ATP1B2: variants seen among roughly 807,000 people sequenced by gnomAD.
ATP1B2 encodes sodium/potassium-transporting ATPase subunit beta-2.
A neutral mutation model predicts 37.3 loss-of-function variants in ATP1B2; 12 were observed. The ratio of observed to expected loss-of-function variants is 0.32; its 90% confidence interval spans 0.21 to 0.52. The LOEUF is 0.52. Among genes scored for constraint, ATP1B2 ranks in the 20% least tolerant of loss-of-function variants. The pLI is 0.96. For missense variants in ATP1B2, 324 were observed against 391.6 expected (o/e 0.83, Z 1.46); for synonymous variants, 139 against 140.5 (o/e 0.99, Z 0.07).
chr17:7,647,383 T>C (rs1354395053), upstream of ATP1B2, among the ~76,000 whole-genome samples: 1 of 152,016 alleles, frequency 6.6e-6, no homozygotes, highest in Non-Finnish European at 1.5e-5. Context: ...GATAGAAAAA[T>C]GTTAGGCGGG....
intron 1 of ATP1B2, 102 bp downstream of exon 1, chr17:7,651,732 C>T (rs1269133420): frequency 3.0e-6 from 3 of 1,014,630 alleles, no homozygotes; most frequent in East Asian, 3.0e-5. Flanking sequence ...CCCGGGTCCC[C>T]GGCGTCCAGC....
intron 2 of ATP1B2, 108 bp from the exon 3 acceptor site, chr17:7,653,733 A>T: frequency 2.3e-6 from 3 of 1,302,964 alleles, no homozygotes; most frequent in Non-Finnish European, 3.2e-6. Flanking sequence ...ACGATCTCAG[A>T]TATTCACCGC....
In ATP1B2 at chr17:7,651,536, G is replaced by A. The variant is rs371914303; in HGVS notation, c.18G>A (p.Glu6=). The A allele has an allele frequency of 1.3e-5, 21 of 1,603,480 alleles. No individual in the cohort carries two copies. Among genetic ancestry groups the A allele is most frequent in the East Asian group, 1.1e-4 (5 of 44,340 alleles). Reference sequence around the variant, plus strand: ...CCACCAAGATGGTCATCCAGAAAGAGAAGAAGAGCTGCGGGCAGGTGGTTG... The same window carrying A: ...CCACCAAGATGGTCATCCAGAAAGAAAAGAAGAGCTGCGGGCAGGTGGTTG... MVIQK[E]KKSCGQVVEE... is the part of the protein sequence containing the mutation. Residue 6 remains glutamate, a synonymous_variant, in exon 1 of 7, where the codon GAG becomes GAA. Transcript: ENST00000250111.
chr17:7,651,661 G>A lies in ATP1B2; in HGVS notation c.112+31G>A, dbSNP rs776684981. 3.9e-6 allele frequency: 6 copies of A among 1,552,136 alleles called. No individual in the cohort carries two copies. The South Asian group carries it at 5.9e-5, about 15-fold the overall frequency. ...CAGGGCCGGCACGCAAGGGGCGGGG[G>A]AAAGCCGCGGGGCGACGCCTCGGGG... is the stretch of plus-strand genomic sequence containing the variant. On this transcript the variant is annotated intron_variant, in intron 1 of 6. Coordinates refer to ENST00000250111, the MANE Select transcript of ATP1B2 (RefSeq NM_001678.5).
In ATP1B2 at chr17:7,657,755, A is replaced by G. The variant is rs538525706; in HGVS notation, c.*1860A>G. On this transcript the variant is annotated 3_prime_UTR_variant, in exon 7 of 7. Coordinates refer to ENST00000250111, the MANE Select transcript of ATP1B2 (RefSeq NM_001678.5). ...AATGAGAGCAATTATATATATAAAT[A>G]TATATCATACACAGAGCCCTGTGTG... 1 of 152,688 alleles carries G rather than the reference A, an allele frequency of 6.5e-6. No homozygotes were observed. The highest frequency in any genetic ancestry group is 1.5e-5 in the Non-Finnish European group (1 of 68,024). 9.5% of individuals were successfully genotyped at this position (152,688 alleles called of 1,614,324 possible).
In ATP1B2 at chr17:7,655,025, A is replaced by G. The variant is rs576891109; in HGVS notation, c.609+341A>G. 9.4e-4 allele frequency among the ~76,000 whole-genome samples: 142 copies of G among 151,646 alleles called. 6 individuals are homozygous for G. The South Asian group carries it at 0.028, about 30-fold the overall frequency. On this transcript the variant is annotated intron_variant, in intron 5 of 6. Transcript: ENST00000250111. This position sits in a 1 kb window ranked among gnomAD's most constrained non-coding sequence, Gnocchi z 4.4. ...GTCCGTATCGTTCGCTCTCCCTCCC[A>G]TATGGCCCCCACCCGTCAGTTCCTT...
Position 7,655,550 on chromosome 17 carries a change from C to T in ATP1B2, c.633C>T (p.Leu211=), listed in dbSNP as rs751353863. 27 of 1,614,190 alleles carry T rather than the reference C, an allele frequency of 1.7e-5. No homozygotes were observed. In the Admixed American group the frequency reaches 3.2e-4, roughly 19 times the overall value. ...AGCGAGATGAAGATGCTGAGAATCT[C>T]GGCAACTTCGTCATGTTCCCCGCCA... ...AGKRDEDAEN[L]GNFVMFPANG... Residue 211 remains leucine (L), a synonymous_variant, in exon 6 of 7, where the codon CTC becomes CTT. Transcript: ENST00000250111. The surrounding 1 kb of genome is among the most constrained non-coding windows in gnomAD (Gnocchi z 4.4).
rs763231074 is a variant in ATP1B2 at position 7,654,678 on chromosome 17, T to G, written c.603T>G (p.Ala201=). 1.2e-6 allele frequency: 2 copies of G among 1,614,068 alleles called. No homozygotes were observed. The highest frequency in any genetic ancestry group is 2.7e-5 in the African/African-American group (2 of 74,932). ...ACCAGAGCATGAATGTTACCTGTGC[T>G]GGGAAGGTGAGTTCGTTGGGCCTTG... is the stretch of plus-strand genomic sequence containing the variant. ...GANQSMNVTC[A]GKRDEDAENL... Residue 201 remains alanine (A), a synonymous_variant, in exon 5 of 7, where the codon GCT becomes GCG. Coordinates refer to ENST00000250111, the MANE Select transcript of ATP1B2 (RefSeq NM_001678.5). This position sits in a 1 kb window ranked among gnomAD's most constrained non-coding sequence, Gnocchi z 4.9.
chr17:7,648,929 G>C (rs2072591578), upstream of ATP1B2, among the ~76,000 whole-genome samples: 1 of 152,136 alleles, frequency 6.6e-6, no homozygotes, highest in South Asian at 2.1e-4. Context: ...AGCCAAGCCA[G>C]CCACTCCTGG....
Position 7,657,058 on chromosome 17 carries a change from C to T in ATP1B2, c.*1163C>T, listed in dbSNP as rs2072659467. On this transcript the variant is annotated 3_prime_UTR_variant, in exon 7 of 7. Transcript: ENST00000250111. ...GCGGGGTTGACCTAGGCTGAATATC[C>T]ACTTTGTTTTTATGGATGGCTCCCT... 1 of 152,072 alleles carries T rather than the reference C, an allele frequency of 6.6e-6. No individual in the cohort carries two copies. The highest frequency in any genetic ancestry group is 1.5e-5 in the Non-Finnish European group (1 of 68,032). 9.4% of individuals were successfully genotyped at this position (152,072 alleles called of 1,614,324 possible).
chr17:7,655,555 AC>A lies in ATP1B2; in HGVS notation c.639del (p.Phe214SerfsTer24). The A allele has an allele frequency of 6.2e-7, 1 of 1,614,146 alleles. No homozygotes were observed. The highest frequency in any genetic ancestry group is 8.5e-7 in the Non-Finnish European group (1 of 1,180,018). ...KRDEDAENLG[N>X]FVMFPANGNI... Reference sequence around the variant, plus strand: ...GATGAAGATGCTGAGAATCTCGGCAACTTCGTCATGTTCCCCGCCAACGGCA... The same window carrying A: ...GATGAAGATGCTGAGAATCTCGGCAATTCGTCATGTTCCCCGCCAACGGCA... On this transcript the variant is annotated frameshift_variant, in exon 6 of 7. Coordinates refer to ENST00000250111, the MANE Select transcript of ATP1B2 (RefSeq NM_001678.5). LOFTEE classifies it high-confidence loss of function. This position sits in a 1 kb window ranked among gnomAD's most constrained non-coding sequence, Gnocchi z 4.4.
chr17:7,647,970 A>G (rs943430245), upstream of ATP1B2, among the ~76,000 whole-genome samples: 4 of 152,144 alleles, frequency 2.6e-5, no homozygotes, highest in African/African-American at 4.8e-5. Flanking sequence ...GGTGGCTCAC[A>G]CTTGTGATTT....
At position 7,655,891 on chromosome 17, in the gene ATP1B2, C is replaced by T. The variant is rs1266682207; in HGVS notation, c.869C>T (p.Thr290Ile). ...GCCTTCAAACTCCGCATCAACAAAA[C>T]CTGAGGCCCCTTCCTCCCACCCCAT... Reference protein sequence around the residue: ...RVAFKLRINKT With the variant: ...RVAFKLRINKI Residue 290 changes from threonine (T) to isoleucine (I), a missense_variant, in exon 7 of 7, where the codon ACC (threonine) becomes ATC (isoleucine). By Grantham distance (89) the Thr-to-Ile change is moderately conservative. Coordinates refer to ENST00000250111, the MANE Select transcript of ATP1B2 (RefSeq NM_001678.5). The surrounding 1 kb of genome is among the most constrained non-coding windows in gnomAD (Gnocchi z 4.4). The T allele has an allele frequency of 2.5e-6, 4 of 1,613,860 alleles. No individual in the cohort carries two copies. Among genetic ancestry groups the T allele is most frequent in the African/African-American group, 1.3e-5 (1 of 74,912 alleles).
In ATP1B2 at chr17:7,655,783, A is replaced by G. The variant is rs376154666; in HGVS notation, c.761A>G (p.Asn254Ser). 11 of 1,613,932 alleles carry G rather than the reference A, an allele frequency of 6.8e-6. No homozygotes were observed. The African/African-American group carries it at 1.2e-4, about 18-fold the overall frequency. ...GTGAAGTTCCTGAATGTGACCCCCA[A>G]CGTGGAGGTGAATGTAGAATGTCGC... ...VAVKFLNVTP[N>S]VEVNVECRIN... Residue 254 changes from asparagine to serine, a missense_variant, in exon 7 of 7, where the codon AAC becomes AGC. Physicochemically the swap from Asn to Ser is conservative, Grantham distance 46. Transcript: ENST00000250111. The surrounding 1 kb of genome is among the most constrained non-coding windows in gnomAD (Gnocchi z 4.4).
In ATP1B2 at chr17:7,655,134, C is replaced by T. The variant is rs946905207; in HGVS notation, c.610-393C>T. The stretch of plus-strand genomic sequence containing the variant: ...GGGACCCTGTTCCCCGCTTCCCCCC[C>T]GGTCTGTCCTTTCTAGAAACTGGCT... On this transcript the variant is annotated intron_variant, in intron 5 of 6. Coordinates refer to ENST00000250111, the MANE Select transcript of ATP1B2 (RefSeq NM_001678.5). This position sits in a 1 kb window ranked among gnomAD's most constrained non-coding sequence, Gnocchi z 4.4. The T allele has an allele frequency of 9.6e-5, 31 of 322,922 alleles. No homozygotes were observed. The highest frequency in any genetic ancestry group is 9.6e-4 in the Middle Eastern group (1 of 1,040). 20.0% of individuals were successfully genotyped at this position (322,922 alleles called of 1,614,324 possible).
chr17:7,653,436 A>C lies in ATP1B2; in HGVS notation c.175A>C (p.Met59Leu). Residue 59 changes from methionine to leucine, a missense_variant, in exon 2 of 7, where the codon ATG becomes CTG. Met to Leu is a conservative substitution (Grantham distance 15, BLOSUM62 2). Transcript: ENST00000250111. ...GFLTAMFTLT[M>L]WVMLQTVSDH... ...CCTCACCGCCATGTTCACCCTCACC[A>C]TGTGGGTGATGCTGCAGACTGTCTC... 6.2e-7 allele frequency: 1 copy of C among 1,613,888 alleles called. No individual in the cohort carries two copies. Among genetic ancestry groups the C allele is most frequent in the Non-Finnish European group, 8.5e-7 (1 of 1,179,914 alleles).
chr17:7,650,849 G>A (rs1441140416), upstream of ATP1B2, among the ~76,000 whole-genome samples: 1 of 150,400 alleles, frequency 6.6e-6, no homozygotes, highest in Middle Eastern at 3.3e-3. Context: ...AGGAGGCGGA[G>A]CTTCTGGGGG....
chr17:7,656,159 C>T lies in ATP1B2; in HGVS notation c.*264C>T. On this transcript the variant is annotated 3_prime_UTR_variant, in exon 7 of 7. Coordinates refer to ENST00000250111, the MANE Select transcript of ATP1B2 (RefSeq NM_001678.5). ...AGATGGCCACGGAGGAGTTAGGAGC[C>T]TTTCTAGTTCTGGTTTAGCTGTGAG... 1 of 514,998 alleles carries T rather than the reference C, an allele frequency of 1.9e-6. No homozygotes were observed. Among genetic ancestry groups the T allele is most frequent in the Non-Finnish European group, 3.5e-6 (1 of 285,316 alleles). 31.9% of individuals were successfully genotyped at this position (514,998 alleles called of 1,614,324 possible).
chr17:7,653,980 CTT>C, intron 3 of ATP1B2, 35 bp downstream of exon 3: 1 of 1,613,036 alleles, frequency 6.2e-7, no homozygotes, highest in Non-Finnish European at 8.5e-7. Context: ...CAGTTCAAGA[CTT>C]CGGGCAGGGG....
Sources: gnomAD v4.1 joint callset for allele counts (sites outside exome capture counted in the v4.1 genomes callset) on GRCh38, gnomAD v4.1.1 for gene constraint, Gnocchi (gnomAD v3.1) non-coding constraint, MANE v1.5 for transcripts, NCBI Gene and HGNC (gene_info 2026-07-23, HGNC 2026-07-21) for gene names.